Variants in TTC7B observed in about 807,000 individuals in gnomAD.
The protein encoded by TTC7B is tetratricopeptide repeat protein 7B.
Under a neutral mutation model 106.8 loss-of-function variants are expected in TTC7B, and 28 were observed. The ratio of observed to expected loss-of-function variants is 0.26; its 90% CI spans 0.19 to 0.36. The LOEUF (loss-of-function observed/expected upper bound fraction) is 0.36. Ranked by LOEUF, TTC7B falls within the 10% of genes least tolerant of loss-of-function variation. TTC7B has a pLI of 1.00. For synonymous variants in TTC7B, 405 were observed against 430.6 expected, an observed-to-expected ratio of 0.94 and a Z score of 0.74; for missense variants, 862 against 1,076.4, an observed-to-expected ratio of 0.80 and a Z score of 2.79.
At chr14:90,732,942 C>G (rs1200875116) in intron 4 of TTC7B, among the ~76,000 whole-genome samples, 1 of 152,178 alleles carries the variant, frequency 6.6e-6, no homozygotes, top group Non-Finnish European at 1.5e-5. Flanking sequence ...CGCCTGCCCA[C>G]AGCATCCTTT....
chr14:90,757,314 C>T lies in TTC7B; in HGVS notation c.446-12392G>A, dbSNP rs1011468527. Reference sequence around the variant, plus strand: ...GAAAAGCAGTCCTGGCGCGGTGGCTCACATCTGTATTCCCAGCACTTTGGG... The same window carrying T: ...GAAAAGCAGTCCTGGCGCGGTGGCTTACATCTGTATTCCCAGCACTTTGGG... On this transcript the variant is annotated intron_variant, in intron 3 of 19. Coordinates refer to ENST00000328459, the MANE Select transcript of TTC7B (RefSeq NM_001010854.2). The surrounding 1 kb of genome is among the most constrained non-coding windows in gnomAD (Gnocchi z 4.1). 5.3e-5 allele frequency among the ~76,000 whole-genome samples: 8 copies of T among 152,152 alleles called. No individual in the cohort carries two copies. The highest frequency in any genetic ancestry group is 7.3e-5 in the Non-Finnish European group (5 of 68,028).
rs909318988 is a variant in TTC7B at position 90,657,042 on chromosome 14, G to T, written c.1341+132C>A. On this transcript the variant is annotated intron_variant, in intron 11 of 19. Transcript: ENST00000328459. The surrounding 1 kb of genome is among the most constrained non-coding windows in gnomAD (Gnocchi z 4.2). ...CAGGGGCCCAGGCCCAGGGTCCGTG[G>T]CTCTACACAGTCTTGTCTTTGTACA... The T allele has an allele frequency of 1.6e-5, 12 of 770,296 alleles. No homozygotes were observed. Among genetic ancestry groups the T allele is most frequent in the Non-Finnish European group, 2.3e-5 (11 of 484,458 alleles). The allele number at this position is 770,296 out of a possible 1,614,324, so 47.7% of individuals were successfully genotyped here.
chr14:90,573,718 C>T (rs185341372), intron 19 of TTC7B, among the ~76,000 whole-genome samples: 1 of 152,358 alleles, frequency 6.6e-6, no homozygotes, highest in African/African-American at 2.4e-5. Context: ...CACTTCACTC[C>T]ACTTGCTGTC....
At chr14:90,739,957 G>A (rs1301781522) in intron 4 of TTC7B, among the ~76,000 whole-genome samples, 1 of 152,200 alleles carries the variant, frequency 6.6e-6, no homozygotes, top group Non-Finnish European at 1.5e-5. Context: ...GTCATCTGAA[G>A]ATAAACTAAT....
At chr14:90,769,868 G>A (rs1044635383) in intron 3 of TTC7B, among the ~76,000 whole-genome samples, 12 of 152,206 alleles carry the variant, frequency 7.9e-5, no homozygotes, top group Admixed American at 2.0e-4. Context: ...TAAAAAAGGC[G>A]TTGAGTGTGG....
At chr14:90,741,049 G>C (rs915744655) in intron 4 of TTC7B, among the ~76,000 whole-genome samples, 1 of 152,116 alleles carries the variant, frequency 6.6e-6, no homozygotes, top group African/African-American at 2.4e-5. Flanking sequence ...GAGATACAGA[G>C]AGGCTGAGCA....
At position 90,530,406 on chromosome 14, in the gene TTC7B, A is replaced by C. The variant is rs1258547088; in HGVS notation, c.*10962T>G. ...AAATTGTCCCCAAGGTGACTATGGTAAGTGAAATGATGGTCCCAAAAGATG... is the reference window on the plus strand; with the variant it reads ...AAATTGTCCCCAAGGTGACTATGGTCAGTGAAATGATGGTCCCAAAAGATG... On this transcript the variant is annotated 3_prime_UTR_variant, in exon 20 of 20. Transcript: ENST00000328459. The C allele has an allele frequency of 6.6e-6, 1 of 152,212 alleles. No homozygotes were observed. Among genetic ancestry groups the C allele is most frequent in the African/African-American group, 2.4e-5 (1 of 41,440 alleles). 9.4% of individuals were successfully genotyped at this position (152,212 alleles called of 1,614,324 possible).
chr14:90,561,425 G>A (rs1382046785), intron 19 of TTC7B, among the ~76,000 whole-genome samples: 1 of 152,326 alleles, frequency 6.6e-6, no homozygotes, highest in East Asian at 1.9e-4. Flanking sequence ...CTGAGGGATG[G>A]ACACCTGGCA....
intron 1 of TTC7B, among the ~76,000 whole-genome samples, chr14:90,813,971 C>T (rs959415769): frequency 6.6e-6 from 1 of 152,210 alleles, no homozygotes; most frequent in South Asian, 2.1e-4. Context: ...TTAGTTTCAT[C>T]TTTTTCTTGG....
chr14:90,631,408 A>ATTTTT (rs752394881), intron 15 of TTC7B, among the ~76,000 whole-genome samples: 1 of 133,628 alleles, frequency 7.5e-6, no homozygotes, highest in South Asian at 2.5e-4. Flanking sequence ...GTCTGCACCA[A>ATTTTT]TTTTTTTTTT....
chr14:90,556,060 G>A (rs1028840212), intron 19 of TTC7B, among the ~76,000 whole-genome samples: 3 of 152,248 alleles, frequency 2.0e-5, no homozygotes, highest in Non-Finnish European at 4.4e-5. Context: ...CCTCCGGCGC[G>A]CCGCGTGGTG....
chr14:90,632,408 C>T (rs753043512), intron 15 of TTC7B, among the ~76,000 whole-genome samples: 9 of 151,782 alleles, frequency 5.9e-5, no homozygotes, highest in South Asian at 2.1e-4. Flanking sequence ...TGTGTGTGCC[C>T]GAGTGAAAAA....
At chr14:90,583,867 C>T (rs2047998623) in intron 18 of TTC7B, among the ~76,000 whole-genome samples, 1 of 152,216 alleles carries the variant, frequency 6.6e-6, no homozygotes, top group South Asian at 2.1e-4. Flanking sequence ...TTGGCATGAA[C>T]ATAACCCAAA....
At chr14:90,682,573 T>A (rs983542161) in intron 7 of TTC7B, among the ~76,000 whole-genome samples, 2 of 152,172 alleles carry the variant, frequency 1.3e-5, no homozygotes, top group African/African-American at 4.8e-5. Flanking sequence ...GGGTCAAAAC[T>A]GTTGGGGCCT....
intron 9 of TTC7B, among the ~76,000 whole-genome samples, chr14:90,660,894 T>A (rs1049701810): frequency 6.6e-6 from 1 of 152,220 alleles, no homozygotes; most frequent in Non-Finnish European, 1.5e-5. Context: ...AGGGTGGGCA[T>A]CCGAAGACCT....
Position 90,807,131 on chromosome 14 carries a change from T to C in TTC7B, c.121+9044A>G, listed in dbSNP as rs1286317. 0.62 allele frequency among the ~76,000 whole-genome samples: 94,401 copies of C among 151,788 alleles called. 30,708 individuals carry two copies. The highest frequency in any genetic ancestry group is 0.73 in the Middle Eastern group (215 of 294). On this transcript the variant is annotated intron_variant, in intron 1 of 19. Coordinates refer to ENST00000328459, the MANE Select transcript of TTC7B (RefSeq NM_001010854.2). This position sits in a 1 kb window ranked among gnomAD's most constrained non-coding sequence, Gnocchi z 4.1. ...GAGGGAGCTTCTGGGACTCAGGACTTTGGATGCTACAACCAGAAAAGTCTC... is the reference window on the plus strand; with the variant it reads ...GAGGGAGCTTCTGGGACTCAGGACTCTGGATGCTACAACCAGAAAAGTCTC...
intron 15 of TTC7B, 113 bp from the exon 16 acceptor site, chr14:90,618,158 G>A: frequency 2.8e-6 from 2 of 722,594 alleles, no homozygotes; most frequent in African/African-American, 1.8e-5. Context: ...ATTTCAGAAA[G>A]GGAACATCCA....
rs75212836 is a variant in TTC7B, at chr14:90,634,409, C to T, written c.1751+9639G>A. On this transcript the variant is annotated intron_variant, in intron 15 of 19. Transcript: ENST00000328459. ...ATATTAAATGTGAATGGACCAAACACTTGAGACAGAAGGCAGAGGTTATCA... is the reference window on the plus strand; with the variant it reads ...ATATTAAATGTGAATGGACCAAACATTTGAGACAGAAGGCAGAGGTTATCA... Among the ~76,000 whole-genome samples, 81 of 151,924 alleles carry T rather than the reference C, an allele frequency of 5.3e-4. 4 individuals carry two copies. In the East Asian group the frequency reaches 0.011, roughly 21 times the overall value.
rs762976576 is a variant in TTC7B at position 90,786,200 on chromosome 14, C to T, written c.250G>A (p.Ala84Thr). 20 of 1,583,534 alleles carry T rather than the reference C, an allele frequency of 1.3e-5. No individual in the cohort carries two copies. The highest frequency in any genetic ancestry group is 4.5e-5 in the East Asian group (2 of 44,316). Reference protein sequence around the residue: ...QLTEVRKHLTAALDRGNLKSE... With the variant: ...QLTEVRKHLTTALDRGNLKSE... ...TTAAGGTTCCCTCGGTCCAGGGCGG[C>T]GGTCAGATGCTTGCGGACCTCAGTC... The change falls in exon 2 of 20, where the codon GCC (alanine) becomes ACC (threonine). Residue 84 changes from alanine to threonine, a missense_variant. By Grantham distance (58) the Ala-to-Thr change is moderately conservative (BLOSUM62 0). Transcript: ENST00000328459.
Sources: gnomAD v4.1 joint callset for allele counts (sites outside exome capture counted in the v4.1 genomes callset) on GRCh38, gnomAD v4.1.1 for gene constraint, Gnocchi (gnomAD v3.1) non-coding constraint, MANE v1.5 for transcripts, NCBI Gene and HGNC (gene_info 2026-07-23, HGNC 2026-07-21) for gene names.